CAMK1D: variants seen among roughly 807,000 people sequenced by gnomAD.
CAMK1D encodes calcium/calmodulin dependent protein kinase ID, also known as calcium/calmodulin-dependent protein kinase type 1D.
A neutral mutation model predicts 47.7 loss-of-function variants in CAMK1D; 9 were observed. The ratio of observed to expected loss-of-function variants is 0.19; its 90% CI spans 0.11 to 0.33. CAMK1D has a LOEUF of 0.33. Ranked by LOEUF, CAMK1D falls within the 10% of genes least tolerant of loss-of-function variation. CAMK1D has a pLI of 1.00. For synonymous variants in CAMK1D, 184 were observed against 184.9 expected, an observed-to-expected ratio of 0.99 and a Z score of 0.04; for missense variants, 291 against 488.7, an observed-to-expected ratio of 0.60 and a Z score of 3.81.
chr10:12,604,698 C>A (rs551019999), intron 2 of CAMK1D, among the ~76,000 whole-genome samples: 1 of 152,076 alleles, frequency 6.6e-6, no homozygotes, highest in Admixed American at 6.6e-5. Context: ...GAATGTATAT[C>A]CATCATCTGT....
rs1835980631 is a variant in CAMK1D, at chr10:12,536,639, G to A, written c.93-16586G>A. Among the ~76,000 whole-genome samples, 6 of 152,286 alleles carry A rather than the reference G, an allele frequency of 3.9e-5. No homozygotes were observed. The South Asian group carries it at 1.2e-3, about 32-fold the overall frequency. ...CAGAGGCAACCTTTACTCGAAGAGG[G>A]GGGTGTATCCTAATGGTGTGTCTTT... On this transcript the variant is annotated intron_variant, in intron 1 of 10. Transcript: ENST00000619168.
intron 3 of CAMK1D, among the ~76,000 whole-genome samples, chr10:12,723,269 T>G (rs767723373): frequency 6.6e-6 from 1 of 152,178 alleles, no homozygotes; most frequent in Non-Finnish European, 1.5e-5. Flanking sequence ...ACGGGAGAAT[T>G]GTAGAATTTT....
intron 1 of CAMK1D, among the ~76,000 whole-genome samples, chr10:12,552,708 G>A (rs1477265380): frequency 6.6e-6 from 1 of 152,204 alleles, no homozygotes; most frequent in African/African-American, 2.4e-5. Context: ...AGGAAGGCCT[G>A]CTTGCCCCTG....
intron 1 of CAMK1D, among the ~76,000 whole-genome samples, chr10:12,354,236 G>A (rs1184062195): frequency 2.6e-5 from 4 of 152,144 alleles, no homozygotes; most frequent in African/African-American, 9.7e-5. Context: ...CCTGTCTGTA[G>A]ATGGCTGGAC....
At chr10:12,383,338 CAG>C (rs1403575100) in intron 1 of CAMK1D, among the ~76,000 whole-genome samples, 1 of 151,964 alleles carries the variant, frequency 6.6e-6, no homozygotes, top group Non-Finnish European at 1.5e-5. Context: ...AATAAGAACT[CAG>C]GGAATGTCGA....
At chr10:12,758,427 T>C (rs1836336219) in intron 3 of CAMK1D, among the ~76,000 whole-genome samples, 1 of 152,198 alleles carries the variant, frequency 6.6e-6, no homozygotes, top group Non-Finnish European at 1.5e-5. Context: ...ACTTTCCCCT[T>C]GTGCCTCGGT....
intron 2 of CAMK1D, among the ~76,000 whole-genome samples, chr10:12,646,247 T>G (rs1355947032): frequency 1.3e-5 from 2 of 152,224 alleles, no homozygotes. Context: ...TTGAATATTC[T>G]TTCATCTTAA....
At chr10:12,575,055 G>A (rs925216901) in intron 2 of CAMK1D, among the ~76,000 whole-genome samples, 2 of 151,942 alleles carry the variant, frequency 1.3e-5, no homozygotes, top group Admixed American at 1.3e-4. Context: ...GTGAGGACAC[G>A]GATCCAACCC....
Position 12,827,499 on chromosome 10 carries a change from TTTCTTTCTTTC to T in CAMK1D, c.1040-1267_1040-1257del, listed in dbSNP as rs1199946625. On this transcript the variant is annotated intron_variant, in intron 10 of 10. Coordinates refer to ENST00000619168, the MANE Select transcript of CAMK1D (RefSeq NM_153498.4). ...CTTTCTTTCTTTCTTTCTTTCTTTCTTTCTTTCTTTCTTTCTTTCTTTCTTTCTTTCTTTCT... is the reference window on the plus strand; with the variant it reads ...CTTTCTTTCTTTCTTTCTTTCTTTCTTTTCTTTCTTTCTTTCTTTCTTTCT... Among the ~76,000 whole-genome samples the T allele has an allele frequency of 1.5e-4, 2 of 13,086 alleles. 1 individual carries two copies. Among genetic ancestry groups the T allele is most frequent in the African/African-American group, 4.4e-4 (2 of 4,562 alleles). 8.6% of individuals were successfully genotyped at this position (13,086 alleles called of 152,430 possible). A position where few individuals can be genotyped will look rare whatever the true frequency, so the allele number is the denominator to read the frequency against.
intron 2 of CAMK1D, among the ~76,000 whole-genome samples, chr10:12,577,183 G>A (rs1449436437): frequency 1.3e-5 from 2 of 149,102 alleles, no homozygotes; most frequent in African/African-American, 2.6e-5. Flanking sequence ...AATAACACAA[G>A]CCAGGACAAG....
chr10:12,443,677 T>C (rs1832849916), intron 1 of CAMK1D, among the ~76,000 whole-genome samples: 1 of 152,208 alleles, frequency 6.6e-6, no homozygotes, highest in South Asian at 2.1e-4. Flanking sequence ...TTGCCCAGGC[T>C]GGAGTAAAGT....
intron 2 of CAMK1D, among the ~76,000 whole-genome samples, chr10:12,655,169 G>A (rs1050116627): frequency 7.9e-5 from 12 of 152,098 alleles, no homozygotes; most frequent in Non-Finnish European, 1.6e-4. Context: ...GCATCTGCTC[G>A]GCTTTTAGGG....
intron 1 of CAMK1D, among the ~76,000 whole-genome samples, chr10:12,368,006 C>T (rs183596715): frequency 0.013 from 1,969 of 152,122 alleles, 43 homozygotes; most frequent in African/African-American, 0.044. Flanking sequence ...TCCTGGCTAA[C>T]ACAGTGAAAC....
chr10:12,696,743 A>G (rs1460167995), intron 3 of CAMK1D, among the ~76,000 whole-genome samples: 3 of 152,204 alleles, frequency 2.0e-5, no homozygotes, highest in South Asian at 2.1e-4. Context: ...GAAGCCTCAG[A>G]ATTTTCTACT....
intron 2 of CAMK1D, among the ~76,000 whole-genome samples, chr10:12,593,736 G>A (rs1314585801): frequency 6.6e-6 from 1 of 152,058 alleles, no homozygotes. Flanking sequence ...CCCGTGGCCT[G>A]TGGCCTTTAT....
chr10:12,765,597 C>T (rs575231380), intron 4 of CAMK1D, among the ~76,000 whole-genome samples: 1 of 152,238 alleles, frequency 6.6e-6, no homozygotes, highest in East Asian at 1.9e-4. Context: ...GTGATCTCAT[C>T]AGATCCCTAA....
At chr10:12,799,279 CAA>C (rs56060631) in intron 6 of CAMK1D, among the ~76,000 whole-genome samples, 24,439 of 152,102 alleles carry the variant, frequency 0.16, 2,464 homozygotes, top group Admixed American at 0.26. Context: ...TGGGAGTCAG[CAA>C]AGAGGACACG....
At chr10:12,420,608 C>T (rs1052311084) in intron 1 of CAMK1D, among the ~76,000 whole-genome samples, 10 of 151,866 alleles carry the variant, frequency 6.6e-5, no homozygotes, top group African/African-American at 1.9e-4. Flanking sequence ...CCCCAAACTA[C>T]TTAGGGATTC....
chr10:12,673,914 G>A (rs542717870), intron 3 of CAMK1D, among the ~76,000 whole-genome samples: 5 of 152,182 alleles, frequency 3.3e-5, no homozygotes, highest in African/African-American at 1.2e-4. Context: ...AGTGGTTTAC[G>A]CTCCTGAGAA....
Sources: allele counts gnomAD v4.1 joint callset (sites outside exome capture counted in the v4.1 genomes callset), GRCh38; gene constraint gnomAD v4.1.1; transcripts MANE v1.5; gene names NCBI Gene and HGNC (gene_info 2026-07-23, HGNC 2026-07-21).